BPHL: variants seen among roughly 807,000 people sequenced by gnomAD.
BPHL encodes the protein serine hydrolase BPHL.
BPHL carries 27 observed loss-of-function variants against 31.2 expected under a neutral mutation model. The ratio of observed to expected loss-of-function variants is 0.87; its 90% confidence interval spans 0.64 to 1.19. BPHL has a LOEUF of 1.19. Among genes scored for constraint, BPHL ranks in the 50% most tolerant of loss-of-function variants. The pLI is 0.00. For synonymous variants in BPHL, 150 were observed against 146.8 expected (o/e 1.02, Z -0.16); for missense variants, 356 against 375.7 (o/e 0.95, Z 0.43).
intron 1 of BPHL, among the ~76,000 whole-genome samples, chr6:3,122,786 T>C (rs1761612428): frequency 6.6e-6 from 1 of 152,222 alleles, no homozygotes; most frequent in South Asian, 2.1e-4. Flanking sequence ...GATTTATCCG[T>C]GCAGATGGGC....
At chr6:3,146,761 A>AGTGCTGGTTTGGGTCG (rs1561801617) in intron 6 of BPHL, among the ~76,000 whole-genome samples, 2 of 116,942 alleles carry the variant, frequency 1.7e-5, no homozygotes, top group Non-Finnish European at 3.5e-5. Flanking sequence ...GGTTTGGGTC[A>AGTGCTGGTTTGGGTCG]GAGTGCTGGT....
chr6:3,118,705 G>T, upstream of BPHL: 1 of 1,248,052 alleles, frequency 8.0e-7, no homozygotes, highest in South Asian at 3.5e-5. Flanking sequence ...TGGTCTTAGC[G>T]CATGCGCACT....
chr6:3,122,073 A>G (rs1334967157), intron 1 of BPHL, among the ~76,000 whole-genome samples: 1 of 152,086 alleles, frequency 6.6e-6, no homozygotes, highest in South Asian at 2.1e-4. Context: ...AGGTCAGGAG[A>G]TTGAGACCAT....
chr6:3,137,599 TCA>T, intron 5 of BPHL, 106 bp downstream of exon 5: 1 of 1,478,982 alleles, frequency 6.8e-7, no homozygotes, highest in South Asian at 1.2e-5. Context: ...CCCATCGCCC[TCA>T]CACGCTCATG....
At chr6:3,119,391 C>G in intron 1 of BPHL, 1 of 1,601,736 alleles carries the variant, frequency 6.2e-7, no homozygotes, top group Non-Finnish European at 8.5e-7. Context: ...AAAAGAATCA[C>G]GTTGGGAACT....
intron 1 of BPHL, among the ~76,000 whole-genome samples, chr6:3,119,887 AATT>A (rs1266598904): frequency 6.6e-6 from 1 of 152,214 alleles, no homozygotes; most frequent in Non-Finnish European, 1.5e-5. Flanking sequence ...TTAATTTTAG[AATT>A]ATTATAAGAT....
chr6:3,120,969 A>G (rs1010293827), intron 1 of BPHL, among the ~76,000 whole-genome samples: 4 of 152,156 alleles, frequency 2.6e-5, no homozygotes, highest in Non-Finnish European at 5.9e-5. Flanking sequence ...CTGGAGTTCT[A>G]ATGGCCCCGT....
chr6:3,151,997 G>A (rs1452845909), intron 6 of BPHL, among the ~76,000 whole-genome samples: 3 of 152,238 alleles, frequency 2.0e-5, no homozygotes, highest in African/African-American at 7.2e-5. Context: ...ACCTTGAGCA[G>A]CAGGCTGGGG....
chr6:3,127,967 C>G (rs1306389212), intron 3 of BPHL, among the ~76,000 whole-genome samples: 1 of 152,038 alleles, frequency 6.6e-6, no homozygotes, highest in South Asian at 2.1e-4. Flanking sequence ...ATTACAGGCA[C>G]ATGCCACTAT....
At chr6:3,119,737 A>G (rs1286808391) in intron 1 of BPHL, among the ~76,000 whole-genome samples, 1 of 152,258 alleles carries the variant, frequency 6.6e-6, no homozygotes, top group African/African-American at 2.4e-5. Flanking sequence ...TCATAAAGTC[A>G]GTACTAGATA....
chr6:3,126,037 G>C (rs913498409), intron 2 of BPHL, among the ~76,000 whole-genome samples: 8 of 152,314 alleles, frequency 5.3e-5, no homozygotes, highest in African/African-American at 1.9e-4. Context: ...CAGGGACCAC[G>C]TGGTGGGCTG....
chr6:3,122,586 A>C (rs573704370), intron 1 of BPHL, among the ~76,000 whole-genome samples: 1 of 152,190 alleles, frequency 6.6e-6, no homozygotes, highest in Non-Finnish European at 1.5e-5. Context: ...CAGGCAGCAC[A>C]GACACTGGCA....
intron 1 of BPHL, among the ~76,000 whole-genome samples, chr6:3,121,539 G>A (rs577976439): frequency 4.6e-5 from 7 of 152,056 alleles, no homozygotes; most frequent in African/African-American, 1.7e-4. Flanking sequence ...TCCTGACCTC[G>A]TGATCCTGAC....
chr6:3,145,442 G>A (rs1167869258), intron 6 of BPHL, among the ~76,000 whole-genome samples: 1 of 67,764 alleles, frequency 1.5e-5, no homozygotes, highest in East Asian at 4.1e-4. Context: ...AGGGTGGAGC[G>A]CTGGTTCGGG....
chr6:3,131,151 T>C (rs1216619729), intron 4 of BPHL, among the ~76,000 whole-genome samples: 1 of 152,150 alleles, frequency 6.6e-6, no homozygotes, highest in Non-Finnish European at 1.5e-5. Context: ...CTTTATTCTT[T>C]CCCACAAACT....
In BPHL at chr6:3,119,229, T is replaced by C. The variant is rs112478004; in HGVS notation, c.107+382T>C. 2.0e-5 allele frequency: 29 copies of C among 1,468,832 alleles called. 1 individual carries two copies. The highest frequency in any genetic ancestry group is 1.8e-4 in the African/African-American group (13 of 71,686). 91.0% of individuals were successfully genotyped at this position (1,468,832 alleles called of 1,614,324 possible). ...ACGCCCTCATTAGTCCATTGCTCTG[T>C]CCAGAGTCCACACTAAGGGCATAAG... On this transcript the variant is annotated intron_variant, in intron 1 of 6. Transcript: ENST00000380379.
rs143537298 is a variant in BPHL, at chr6:3,128,618, T to C, written c.379-427T>C. ...TTCTTCCCACAGTTGCTTTACCAGA[T>C]ACCCTGCTTCACTCCATCCAGCAGA... On this transcript the variant is annotated intron_variant, in intron 3 of 6. Transcript: ENST00000380379. Among the ~76,000 whole-genome samples, 591 of 152,320 alleles carry C rather than the reference T, an allele frequency of 3.9e-3. 4 individuals are homozygous for C. Among genetic ancestry groups the C allele is most frequent in the African/African-American group, 0.013 (554 of 41,568 alleles).
intron 4 of BPHL, among the ~76,000 whole-genome samples, chr6:3,135,693 T>A (rs1222243663): frequency 6.6e-6 from 1 of 152,224 alleles, no homozygotes; most frequent in Non-Finnish European, 1.5e-5. Context: ...TGCGTGGTGT[T>A]CTGCATAATT....
At chr6:3,123,148 C>T (rs970975162) in intron 1 of BPHL, among the ~76,000 whole-genome samples, 10 of 152,206 alleles carry the variant, frequency 6.6e-5, no homozygotes, top group Non-Finnish European at 5.9e-5. Context: ...CATGAGGGCA[C>T]AGTTCAGATC....
Sources: allele counts gnomAD v4.1 joint callset (sites outside exome capture counted in the v4.1 genomes callset), GRCh38; gene constraint gnomAD v4.1.1; transcripts MANE v1.5; gene names NCBI Gene and HGNC (gene_info 2026-07-23, HGNC 2026-07-21).